Variants in LMO7 observed in about 807,000 individuals in gnomAD.
LMO7 encodes LIM domain 7, also known as LIM domain only protein 7.
LMO7 carries 120 observed loss-of-function variants against 206.5 expected under a neutral mutation model. The ratio of observed to expected loss-of-function variants is 0.58; its 90% CI spans 0.50 to 0.68. The LOEUF (loss-of-function observed/expected upper bound fraction) is 0.68. Ranked by LOEUF, LMO7 falls within the 30% of genes least tolerant of loss-of-function variation. The pLI is 0.00. For synonymous variants in LMO7, 706 were observed against 681.5 expected (o/e 1.04, Z -0.56); for missense variants, 1,959 against 1,957.9 (o/e 1.00, Z -0.01).
chr13:75,664,636 A>T (rs2038933494), intron 1 of LMO7, among the ~76,000 whole-genome samples: 1 of 152,216 alleles, frequency 6.6e-6, no homozygotes, highest in Admixed American at 6.5e-5. Flanking sequence ...GTACTGATTT[A>T]CATTTCCACC....
chr13:75,636,772 C>A (rs754314052), intron 1 of LMO7, 46 bp downstream of exon 1: 71 of 1,557,224 alleles, frequency 4.6e-5, no homozygotes, highest in Non-Finnish European at 3.5e-6. Flanking sequence ...TTGACTGCCT[C>A]GGGGCGGTCG....
chr13:75,753,335 A>T (rs2047423928), intron 3 of LMO7, among the ~76,000 whole-genome samples: 1 of 152,206 alleles, frequency 6.6e-6, no homozygotes, highest in South Asian at 2.1e-4. Context: ...TATAGTTTGC[A>T]AATATTTTCT....
chr13:75,712,860 G>GT lies in LMO7; in HGVS notation c.70-317dup, dbSNP rs750485846. 7.2e-5 allele frequency among the ~76,000 whole-genome samples: 11 copies of GT among 152,106 alleles called. No homozygotes were observed. In the East Asian group the frequency reaches 2.1e-3, roughly 29 times the overall value. ...TCTTAGTAGAATAGATCACCCATAG[G>GT]TTTTTAAAAAATATATAAAATATGT... On this transcript the variant is annotated intron_variant, in intron 1 of 30. Transcript: ENST00000377534.
intron 2 of LMO7, among the ~76,000 whole-genome samples, chr13:75,726,546 C>G (rs634002): frequency 0.92 from 139,520 of 152,066 alleles, 64,061 homozygotes; most frequent in East Asian, 1. Flanking sequence ...AAAACTAGTT[C>G]ACTATTTGTA....
At chr13:75,669,692 G>A (rs537882470) in intron 1 of LMO7, among the ~76,000 whole-genome samples, 108 of 152,288 alleles carry the variant, frequency 7.1e-4, no homozygotes, top group Non-Finnish European at 1.3e-3. Flanking sequence ...CTGCTCTGTT[G>A]TAAATTCTAG....
chr13:75,700,886 G>T (rs1482918033), intron 1 of LMO7, among the ~76,000 whole-genome samples: 2 of 152,140 alleles, frequency 1.3e-5, no homozygotes, highest in African/African-American at 2.4e-5. Context: ...AATATTTCTG[G>T]ACTGTGGTTG....
At chr13:75,689,535 C>T (rs1384923694) in intron 1 of LMO7, among the ~76,000 whole-genome samples, 1 of 152,168 alleles carries the variant, frequency 6.6e-6, no homozygotes, top group African/African-American at 2.4e-5. Flanking sequence ...AGGAGATTAA[C>T]ATTTGAGTCA....
chr13:75,670,579 C>T (rs1256778363), intron 1 of LMO7, among the ~76,000 whole-genome samples: 1 of 152,030 alleles, frequency 6.6e-6, no homozygotes, highest in Non-Finnish European at 1.5e-5. Flanking sequence ...CATATCTAAA[C>T]ATAGAAAAGG....
intron 1 of LMO7, among the ~76,000 whole-genome samples, chr13:75,675,326 G>A (rs867105208): frequency 6.6e-6 from 1 of 151,870 alleles, no homozygotes; most frequent in Non-Finnish European, 1.5e-5. Flanking sequence ...CACCCACCTC[G>A]ACCTCCCAAA....
chr13:75,807,721 GC>G lies in LMO7; in HGVS notation c.1439del (p.Ala480ValfsTer15). Reference protein sequence around the residue: ...AFHANPYVLRAFEDFRKFSEQ... With the variant: ...AFHANPYVLRXFEDFRKFSEQ... ...CCATGCAAATCCATATGTTCTCCGA[GC>G]TTTTGAAGACTTTAGAAAGTTCTCT... On this transcript the variant is annotated frameshift_variant, in exon 10 of 31. Coordinates refer to ENST00000377534, the MANE Select transcript of LMO7 (RefSeq NM_001306080.2). LOFTEE classifies it high-confidence loss of function. The G allele has an allele frequency of 6.2e-7, 1 of 1,613,948 alleles. No homozygotes were observed. The highest frequency in any genetic ancestry group is 8.5e-7 in the Non-Finnish European group (1 of 1,179,894).
In LMO7 at chr13:75,834,247, A is replaced by C. The variant is rs2058936099; in HGVS notation, c.3086A>C (p.Gln1029Pro). 1 of 1,593,954 alleles carries C rather than the reference A, an allele frequency of 6.3e-7. No homozygotes were observed. Among genetic ancestry groups the C allele is most frequent in the East Asian group, 2.3e-5 (1 of 43,932 alleles). The stretch of plus-strand genomic sequence containing the variant: ...TTAGGTAGCCCAGCAGAATTTTCTC[A>C]GCTACAAGTAGATGATGAAATTATT... The part of the protein sequence containing the change: ...VEAGSPAEFS[Q>P]LQVDDEIIAI... Residue 1029 changes from glutamine (Q) to proline (P), a missense_variant, in exon 17 of 31, where the codon CAG becomes CCG. Gln to Pro is a moderately conservative substitution (Grantham distance 76, BLOSUM62 -1). Transcript: ENST00000377534.
At position 75,796,683 on chromosome 13, in the gene LMO7, G is replaced by T. The variant is rs779828024; in HGVS notation, c.396G>T (p.Pro132=). The change falls in exon 6 of 31, where the codon CCG becomes CCT. Residue 132 remains proline (P), a synonymous_variant. Coordinates refer to ENST00000377534, the MANE Select transcript of LMO7 (RefSeq NM_001306080.2). The part of the protein sequence containing the change: ...YWLGRKAQSN[P]YYNGPHLNLK... ...TGGGAAGAAAAGCACAAAGCAACCCGTACTATAATGGTCCCCATCTTAATT... is the reference window on the plus strand; with the variant it reads ...TGGGAAGAAAAGCACAAAGCAACCCTTACTATAATGGTCCCCATCTTAATT... 14 of 1,613,398 alleles carry T rather than the reference G, an allele frequency of 8.7e-6. No homozygotes were observed. The highest frequency in any genetic ancestry group is 1.2e-5 in the Non-Finnish European group (14 of 1,179,708).
chr13:75,857,927 G>A lies in LMO7; in HGVS notation c.4880G>A (p.Arg1627Gln), dbSNP rs1023410038. Residue 1627 changes from arginine to glutamine, a missense_variant, in exon 31 of 31, where the codon CGG (arginine) becomes CAG (glutamine). Coordinates refer to ENST00000377534, the MANE Select transcript of LMO7 (RefSeq NM_001306080.2). ...NDCYLRFKSG[R>Q]PTAM ...TTTCTCCTTGCCCGATCAGCTGGAC[G>A]GCCAACCGCCATGTGATGTAAGCCT... is the stretch of plus-strand genomic sequence containing the variant. 3 of 1,596,376 alleles carry A rather than the reference G, an allele frequency of 1.9e-6. No individual in the cohort carries two copies. The highest frequency in any genetic ancestry group is 1.1e-5 in the South Asian group (1 of 87,596).
chr13:75,800,697 C>G lies in LMO7; in HGVS notation c.476C>G (p.Ser159Cys). Residue 159 changes from serine (S) to cysteine (C), a missense_variant, in exon 7 of 31, where the codon TCC (serine) becomes TGC (cysteine). By Grantham distance (112) the Ser-to-Cys change is moderately radical. Transcript: ENST00000377534. ...CGTTTTCTTTAGGCACTCGAAGACT[C>G]CAGCTTCCTGAAAAGAAGTGGCAGG... ...GQALTKALEDSSFLKRSGRDS... is the reference protein window; with the variant it reads ...GQALTKALEDCSFLKRSGRDS... 1 of 1,614,042 alleles carries G rather than the reference C, an allele frequency of 6.2e-7. No individual in the cohort carries two copies.
intron 11 of LMO7, chr13:75,816,935 A>T (rs2057067634): frequency 5.5e-6 from 2 of 362,062 alleles, no homozygotes; most frequent in Non-Finnish European, 5.0e-6. Flanking sequence ...TGAGACTTGT[A>T]TAGGGCTAAT....
At chr13:75,792,134 A>T (rs977501314) in intron 4 of LMO7, among the ~76,000 whole-genome samples, 2 of 152,054 alleles carry the variant, frequency 1.3e-5, no homozygotes, top group Admixed American at 6.5e-5. Flanking sequence ...GTGCCTAGCT[A>T]ATTTTTACAT....
chr13:75,668,416 G>C (rs2039263592), intron 1 of LMO7, among the ~76,000 whole-genome samples: 1 of 152,074 alleles, frequency 6.6e-6, no homozygotes, highest in South Asian at 2.1e-4. Context: ...TTTAGTTCTG[G>C]CTTGCCTGAA....
intron 12 of LMO7, among the ~76,000 whole-genome samples, chr13:75,818,259 A>G (rs989890238): frequency 2.0e-5 from 3 of 152,184 alleles, no homozygotes; most frequent in African/African-American, 7.2e-5. Flanking sequence ...GTTATGCTAT[A>G]GGACTAAATG....
chr13:75,688,852 G>A (rs2041228826), intron 1 of LMO7: 1 of 151,834 alleles, frequency 6.6e-6, no homozygotes, highest in East Asian at 1.9e-4. Flanking sequence ...AATTGAATAA[G>A]CTCCTTCCAT....
Sources: allele counts gnomAD v4.1 joint callset (sites outside exome capture counted in the v4.1 genomes callset), GRCh38; gene constraint gnomAD v4.1.1; transcripts MANE v1.5; gene names NCBI Gene and HGNC (gene_info 2026-07-23, HGNC 2026-07-21).